Variants in SYTL2 observed in about 807,000 individuals in gnomAD.
SYTL2 encodes the protein synaptotagmin like 2, also known as synaptotagmin-like protein 2.
In SYTL2, 165 loss-of-function variants were observed where a neutral mutation model predicts 198.7. The ratio of observed to expected loss-of-function variants is 0.83; its 90% CI spans 0.73 to 0.94. The LOEUF is 0.94. Ranked by LOEUF, SYTL2 falls within the 40% of genes least tolerant of loss-of-function variation. SYTL2 has a pLI of 0.00. For synonymous variants in SYTL2, 966 were observed against 917.7 expected (o/e 1.05, Z -0.95); for missense variants, 2,835 against 2,582.8 (o/e 1.10, Z -2.12).
chr11:85,709,784 G>A (rs1314494311), intron 13 of SYTL2, among the ~76,000 whole-genome samples: 1 of 152,114 alleles, frequency 6.6e-6, no homozygotes. Flanking sequence ...CCAGGTTCAG[G>A]CGATTCTCCT....
chr11:85,826,174 G>A, the SYTL2 span, among the ~76,000 whole-genome samples: 1 of 152,124 alleles, frequency 6.6e-6, no homozygotes, highest in South Asian at 2.1e-4. Context: ...CTATAATTTT[G>A]GCCAGATCCC....
rs377705328 is a variant in SYTL2 at position 85,745,608 on chromosome 11, A to G, written c.389+29T>C. 1.3e-5 allele frequency: 21 copies of G among 1,600,118 alleles called. No homozygotes were observed. In the African/African-American group the frequency reaches 2.7e-4, roughly 20 times the overall value. On this transcript the variant is annotated intron_variant, in intron 4 of 19. Transcript: ENST00000359152. ...ACCCCAGGCCATGAAAGCCACATGC[A>G]GCAGCTCTCCCCAGAAGCTTTGCCT...
chr11:85,788,499 T>C (rs955739758), intron 1 of SYTL2, among the ~76,000 whole-genome samples: 17 of 152,190 alleles, frequency 1.1e-4, no homozygotes, highest in African/African-American at 3.9e-4. Flanking sequence ...CTGTGAAATA[T>C]ACACAAGTTG....
At chr11:85,738,047 C>T (rs1295631395) in intron 4 of SYTL2, among the ~76,000 whole-genome samples, 3 of 152,210 alleles carry the variant, frequency 2.0e-5, no homozygotes, top group Non-Finnish European at 4.4e-5. Context: ...GTTACCACCA[C>T]CAGTTCTCTC....
the SYTL2 span, among the ~76,000 whole-genome samples, chr11:85,817,897 C>CTTTT: frequency 2.1e-4 from 25 of 119,864 alleles, 3 homozygotes; most frequent in African/African-American, 3.4e-4. Flanking sequence ...ACCTTTGTGT[C>CTTTT]TTTTCTTTTT....
upstream of SYTL2, among the ~76,000 whole-genome samples, chr11:85,812,343 A>T (rs540848970): frequency 3.3e-5 from 5 of 152,312 alleles, no homozygotes; most frequent in African/African-American, 1.2e-4. Context: ...GGCTTCAGTT[A>T]GTGCCCAGTG....
At chr11:85,826,786 C>G in the SYTL2 span, among the ~76,000 whole-genome samples, 2 of 152,216 alleles carry the variant, frequency 1.3e-5, no homozygotes, top group Non-Finnish European at 2.9e-5. Flanking sequence ...GACTCAGCAT[C>G]ACAACATATT....
At chr11:85,789,334 GTGTGTGTATA>G (rs1566025709) in intron 1 of SYTL2, among the ~76,000 whole-genome samples, 1 of 27,462 alleles carries the variant, frequency 3.6e-5, no homozygotes, top group East Asian at 8.0e-4. Flanking sequence ...ATGTGTGTGT[GTGTGTGTATA>G]TATATATATA....
At chr11:85,738,566 C>G (rs1171803034) in intron 4 of SYTL2, among the ~76,000 whole-genome samples, 8 of 152,086 alleles carry the variant, frequency 5.3e-5, no homozygotes, top group African/African-American at 1.9e-4. Flanking sequence ...ATCAAGCTAT[C>G]TAGAAACAGT....
intron 12 of SYTL2, 54 bp downstream of exon 12, chr11:85,714,359 A>G (rs2086812313): frequency 2.8e-6 from 4 of 1,405,816 alleles, no homozygotes; most frequent in African/African-American, 2.8e-5. Flanking sequence ...ACCTTGGCAT[A>G]GCAATTCCAA....
At chr11:85,802,225 T>C (rs181487462) in intron 1 of SYTL2, among the ~76,000 whole-genome samples, 4,384 of 147,574 alleles carry the variant, frequency 0.03, 95 homozygotes, top group Admixed American at 0.055. Context: ...CTTTTCTTTT[T>C]TTTTTTTTTT....
chr11:85,851,152 T>C, the SYTL2 span, among the ~76,000 whole-genome samples: 1 of 152,054 alleles, frequency 6.6e-6, no homozygotes, highest in Admixed American at 6.5e-5. Flanking sequence ...CATGTGCACA[T>C]GTACCCTAAA....
intron 1 of SYTL2, among the ~76,000 whole-genome samples, chr11:85,764,223 C>T (rs996650130): frequency 1.3e-5 from 2 of 152,196 alleles, no homozygotes; most frequent in Admixed American, 6.5e-5. Flanking sequence ...GGATAAAAAA[C>T]TTTGTTGTTC....
rs189699781 is a variant in SYTL2 at position 85,722,152 on chromosome 11, C to G, written c.5327-1193G>C. Among the ~76,000 whole-genome samples the G allele has an allele frequency of 5.6e-3, 808 of 143,886 alleles. 10 individuals carry two copies. Among genetic ancestry groups the G allele is most frequent in the African/African-American group, 0.02 (760 of 38,824 alleles). The allele number at this position is 143,886 out of a possible 152,430, so 94.4% of individuals were successfully genotyped here. The stretch of plus-strand genomic sequence containing the variant: ...GGCTTGTTATTCTAAAATGTCTTCT[C>G]TGGGCTCTGTTTAGGTGATTTTTTT... On this transcript the variant is annotated intron_variant, in intron 8 of 19. Coordinates refer to ENST00000359152, the MANE Select transcript of SYTL2 (RefSeq NM_206927.4).
Position 85,714,425 on chromosome 11 carries a change from A to G in SYTL2, c.5613T>C (p.Phe1871=), listed in dbSNP as rs1178374621. Residue 1871 remains phenylalanine, a synonymous_variant, in exon 12 of 20, where the codon TTT becomes TTC. Transcript: ENST00000359152. ...AAGACAAACTTGCCTCATCTTGGAG[A>G]AATGCTGGAACAGACTTGCTCATCC... ...LKRMSKSVPA[F]LQDESDDRET... The G allele has an allele frequency of 6.2e-7, 1 of 1,613,062 alleles. No homozygotes were observed. The highest frequency in any genetic ancestry group is 1.3e-5 in the African/African-American group (1 of 74,894).
At chr11:85,832,902 G>T in the SYTL2 span, among the ~76,000 whole-genome samples, 1 of 150,576 alleles carries the variant, frequency 6.6e-6, no homozygotes, top group African/African-American at 2.4e-5. Flanking sequence ...AGGCTGAGCT[G>T]GGAGGATCAC....
At chr11:85,841,184 G>A in the SYTL2 span, among the ~76,000 whole-genome samples, 1 of 152,166 alleles carries the variant, frequency 6.6e-6, no homozygotes, top group Non-Finnish European at 1.5e-5. Context: ...ATGCTAGTGA[G>A]GTTACAGAGA....
the SYTL2 span, among the ~76,000 whole-genome samples, chr11:85,825,747 G>C: frequency 1.3e-5 from 2 of 152,246 alleles, no homozygotes; most frequent in African/African-American, 4.8e-5. Context: ...CCCAGAGCCA[G>C]AGCAATGTTT....
At chr11:85,728,064 G>C (rs1323542799) in intron 7 of SYTL2, 97 bp from the exon 8 acceptor site, 6 of 1,091,714 alleles carry the variant, frequency 5.5e-6, no homozygotes, top group Non-Finnish European at 6.5e-6. Flanking sequence ...CTTTGTATTT[G>C]CACTTTCTAT....
Sources: gnomAD v4.1 joint callset for allele counts (sites outside exome capture counted in the v4.1 genomes callset) on GRCh38, gnomAD v4.1.1 for gene constraint, MANE v1.5 for transcripts, NCBI Gene and HGNC (gene_info 2026-07-23, HGNC 2026-07-21) for gene names.